CD86: variants seen among roughly 807,000 people sequenced by gnomAD.
CD86 encodes the protein T-lymphocyte activation antigen CD86.
A neutral mutation model predicts 32.1 loss-of-function variants in CD86; 11 were observed. The ratio of observed to expected loss-of-function variants is 0.34; its 90% confidence interval spans 0.22 to 0.57. The LOEUF (loss-of-function observed/expected upper bound fraction) is 0.57. CD86 is among the 20% of genes least tolerant of loss of function. CD86 has a pLI of 0.86. For missense variants in CD86, 359 were observed against 398.4 expected (o/e 0.90, Z 0.84); for synonymous variants, 137 against 135.3 (o/e 1.01, Z -0.09).
chr3:122,069,982 T>C (rs754636376), intron 1 of CD86, among the ~76,000 whole-genome samples: 12 of 152,226 alleles, frequency 7.9e-5, no homozygotes, highest in Non-Finnish European at 1.6e-4. Context: ...TTTTCTAAAA[T>C]GCATACACCC....
chr3:122,093,169 T>C (rs1314996375), intron 2 of CD86, among the ~76,000 whole-genome samples: 2 of 152,154 alleles, frequency 1.3e-5, no homozygotes, highest in Admixed American at 1.3e-4. Context: ...ATTTATTTTA[T>C]TTTTTGAGAC....
In CD86 at chr3:122,106,218, A is replaced by G. The variant is rs1327843853; in HGVS notation, c.421A>G (p.Ile141Val). The G allele has an allele frequency of 1.2e-6, 2 of 1,607,466 alleles. No homozygotes were observed. Among genetic ancestry groups the G allele is most frequent in the Middle Eastern group, 3.3e-4 (2 of 5,990 alleles). The change falls in exon 4 of 7, where the codon ATA becomes GTA. Residue 141 changes from isoleucine to valine, a missense_variant. Ile to Val is a conservative substitution (Grantham distance 29). Coordinates refer to ENST00000330540, the MANE Select transcript of CD86 (RefSeq NM_175862.5). The stretch of plus-strand genomic sequence containing the variant: ...TTCAGCTAACTTCAGTCAACCTGAA[A>G]TAGTACCAATTTCTAATATAACAGA... ...SVLANFSQPE[I>V]VPISNITENV...
intron 3 of CD86, among the ~76,000 whole-genome samples, chr3:122,105,841 C>A (rs1322871267): frequency 6.6e-6 from 1 of 152,098 alleles, no homozygotes; most frequent in Non-Finnish European, 1.5e-5. Context: ...GAATGTGCCC[C>A]ATGGGACACC....
chr3:122,119,582 T>G lies in CD86; in HGVS notation c.*48T>G, dbSNP rs1225849154. On this transcript the variant is annotated 3_prime_UTR_variant, in exon 7 of 7. Transcript: ENST00000330540. The stretch of plus-strand genomic sequence containing the variant: ...GTATTCATTTTTTCTACCCTTTCCT[T>G]TGTAAGTTCCTGGGCAACCTTTTTG... 8.3e-7 allele frequency: 1 copy of G among 1,210,802 alleles called. No individual in the cohort carries two copies. The highest frequency in any genetic ancestry group is 2.3e-5 in the East Asian group (1 of 42,580). The allele number at this position is 1,210,802 out of a possible 1,614,324, so 75.0% of individuals were successfully genotyped here.
At chr3:122,072,890 C>T (rs979838799) in intron 1 of CD86, among the ~76,000 whole-genome samples, 1 of 151,910 alleles carries the variant, frequency 6.6e-6, no homozygotes, top group Non-Finnish European at 1.5e-5. Context: ...TTTAATCCAT[C>T]TTGAATTGAT....
intron 1 of CD86, chr3:122,077,674 T>C: frequency 3.1e-6 from 2 of 654,052 alleles, no homozygotes; most frequent in Non-Finnish European, 3.8e-6. Flanking sequence ...AAGGTGTCTT[T>C]GTCATGTTTG....
At chr3:122,101,970 G>C (rs993617179) in intron 2 of CD86, among the ~76,000 whole-genome samples, 5 of 152,064 alleles carry the variant, frequency 3.3e-5, no homozygotes, top group Non-Finnish European at 7.4e-5. Flanking sequence ...CAGGGTCCTA[G>C]TGAGTGTAGT....
chr3:122,103,382 A>G, intron 2 of CD86, 130 bp from the exon 3 acceptor site: 1 of 662,818 alleles, frequency 1.5e-6, no homozygotes, highest in Non-Finnish European at 2.6e-6. Flanking sequence ...GCACAGTTCC[A>G]GAGCTTAATA....
intron 1 of CD86, among the ~76,000 whole-genome samples, chr3:122,064,273 A>G (rs911646390): frequency 2.0e-5 from 3 of 152,162 alleles, no homozygotes; most frequent in Admixed American, 6.5e-5. Context: ...ATAAGATAGC[A>G]TAGTAAAAAA....
intron 5 of CD86, among the ~76,000 whole-genome samples, chr3:122,115,724 G>A (rs1166298095): frequency 1.1e-5 from 1 of 89,520 alleles, no homozygotes; most frequent in Admixed American, 1.7e-4. Flanking sequence ...TGGGCAACAA[G>A]AGTGAAACTC....
At chr3:122,093,478 C>T (rs1226790393) in intron 2 of CD86, among the ~76,000 whole-genome samples, 1 of 152,222 alleles carries the variant, frequency 6.6e-6, no homozygotes, top group South Asian at 2.1e-4. Flanking sequence ...CTGCTCCATA[C>T]TTAGGCTACC....
intron 1 of CD86, among the ~76,000 whole-genome samples, chr3:122,086,262 T>C (rs925583382): frequency 2.6e-5 from 4 of 152,066 alleles, no homozygotes; most frequent in African/African-American, 9.7e-5. Context: ...TTTTTCCTGA[T>C]ACTCCGGTTA....
chr3:122,104,720 T>C (rs1398406467), intron 3 of CD86, among the ~76,000 whole-genome samples: 2 of 152,228 alleles, frequency 1.3e-5, no homozygotes, highest in Non-Finnish European at 2.9e-5. Flanking sequence ...TAAGCCTGGC[T>C]TCTTTCGTTT....
chr3:122,060,312 G>C (rs2072315200), intron 1 of CD86, among the ~76,000 whole-genome samples: 1 of 152,196 alleles, frequency 6.6e-6, no homozygotes, highest in Admixed American at 6.5e-5. Flanking sequence ...ACTCCCAGTT[G>C]AGTGGAGGCA....
chr3:122,060,140 G>A (rs2072311545), intron 1 of CD86, among the ~76,000 whole-genome samples: 1 of 152,188 alleles, frequency 6.6e-6, no homozygotes, highest in Non-Finnish European at 1.5e-5. Context: ...CATCAGGGAG[G>A]AGGGAAAGAA....
At chr3:122,059,272 G>A (rs2072288682) in intron 1 of CD86, among the ~76,000 whole-genome samples, 1 of 152,146 alleles carries the variant, frequency 6.6e-6, no homozygotes, top group African/African-American at 2.4e-5. Flanking sequence ...GGATTGAGAG[G>A]AAGCCAAGGA....
chr3:122,082,632 G>T (rs1338535684), intron 1 of CD86, among the ~76,000 whole-genome samples: 1 of 152,176 alleles, frequency 6.6e-6, no homozygotes, highest in Non-Finnish European at 1.5e-5. Flanking sequence ...TGATTTTTAT[G>T]TTTACTATGG....
In CD86 at chr3:122,106,420, C is replaced by A. The variant is rs2107541657; in HGVS notation, c.623C>A (p.Pro208His). 1 of 1,614,036 alleles carries A rather than the reference C, an allele frequency of 6.2e-7. No individual in the cohort carries two copies. Among genetic ancestry groups the A allele is most frequent in the Non-Finnish European group, 8.5e-7 (1 of 1,179,920 alleles). Residue 208 changes from proline to histidine, a missense_variant, in exon 4 of 7, where the codon CCT becomes CAT. Coordinates refer to ENST00000330540, the MANE Select transcript of CD86 (RefSeq NM_175862.5). ...TCCATCAGCTTGTCTGTTTCATTCC[C>A]TGATGTTACGAGCAATATGACCATC... ...DVSISLSVSFPDVTSNMTIFC... is the reference protein window; with the variant it reads ...DVSISLSVSFHDVTSNMTIFC...
rs770985384 is a variant in CD86 at position 122,091,649 on chromosome 3, T to C, written c.63T>C (p.Ser21=). The stretch of plus-strand genomic sequence containing the variant: ...TCTTTGTGATGGCCTTCCTGCTCTC[T>C]GGTAAGAACCTTTCAGCTTTGTTAA... ...NILFVMAFLL[S]GAAPLKIQAY... The change falls in exon 2 of 7, where the codon TCT becomes TCC. Residue 21 remains serine, a splice_region_variant and synonymous_variant. Transcript: ENST00000330540. The C allele has an allele frequency of 6.2e-7, 1 of 1,612,252 alleles. No homozygotes were observed. Among genetic ancestry groups the C allele is most frequent in the Admixed American group, 1.7e-5 (1 of 60,028 alleles).
Sources: gnomAD v4.1 joint callset for allele counts (sites outside exome capture counted in the v4.1 genomes callset) on GRCh38, gnomAD v4.1.1 for gene constraint, MANE v1.5 for transcripts, NCBI Gene and HGNC (gene_info 2026-07-23, HGNC 2026-07-21) for gene names.